The following ARMH4 variants were observed in gnomAD, a reference collection of about 807,000 sequenced individuals.
ARMH4 encodes the protein armadillo like helical domain containing 4.
In ARMH4, 49 loss-of-function variants were observed where a neutral mutation model predicts 61.9. That is an observed-to-expected ratio of 0.79 (90% CI 0.63 to 1.00). The LOEUF is 1.00. Among genes scored for constraint, ARMH4 ranks in the 50% least tolerant of loss-of-function variants. ARMH4 has a pLI of 0.00. For missense variants in ARMH4, 934 were observed against 930.0 expected, an observed-to-expected ratio of 1.00 and a Z score of -0.06; for synonymous variants, 368 against 341.5, an observed-to-expected ratio of 1.08 and a Z score of -0.85.
chr14:58,100,368 T>C (rs983105088), intron 4 of ARMH4, among the ~76,000 whole-genome samples: 1 of 152,122 alleles, frequency 6.6e-6, no homozygotes, highest in African/African-American at 2.4e-5. Flanking sequence ...TTAAGATGGT[T>C]GTGAGTTTTT....
At chr14:58,105,060 T>C (rs551035331) in intron 4 of ARMH4, among the ~76,000 whole-genome samples, 1 of 152,152 alleles carries the variant, frequency 6.6e-6, no homozygotes, top group Non-Finnish European at 1.5e-5. Flanking sequence ...AATCTTTCAA[T>C]TAGTTACACC....
Position 58,138,419 on chromosome 14 carries a change from A to T in ARMH4, c.940T>A (p.Trp314Arg). ...VPAASALSDE[W>R]DDTKLESVSR... ...ACACTCTCTAATTTGGTGTCATCCC[A>T]CTCATCACTTAAGGCAGAGGCAGCT... Residue 314 changes from tryptophan to arginine, a missense_variant, in exon 2 of 8, where the codon TGG becomes AGG. By Grantham distance (101) the Trp-to-Arg change is moderately radical (BLOSUM62 -3). Coordinates refer to ENST00000267485, the MANE Select transcript of ARMH4 (RefSeq NM_001001872.4). 1 of 1,614,136 alleles carries T rather than the reference A, an allele frequency of 6.2e-7. No homozygotes were observed. Among genetic ancestry groups the T allele is most frequent in the South Asian group, 1.1e-5 (1 of 91,082 alleles).
intron 5 of ARMH4, among the ~76,000 whole-genome samples, chr14:58,060,655 A>T (rs940093805): frequency 3.3e-5 from 5 of 152,190 alleles, no homozygotes; most frequent in Non-Finnish European, 7.3e-5. Context: ...TTGTAAAAAT[A>T]AGACAACCAG....
intron 5 of ARMH4, among the ~76,000 whole-genome samples, chr14:58,060,976 C>T (rs1377621751): frequency 6.6e-6 from 1 of 152,186 alleles, no homozygotes; most frequent in Non-Finnish European, 1.5e-5. Flanking sequence ...CTTGGCCTAC[C>T]TCAGTTCCCA....
At chr14:58,005,452 A>G (rs2141123423) in intron 6 of ARMH4, among the ~76,000 whole-genome samples, 1 of 152,358 alleles carries the variant, frequency 6.6e-6, no homozygotes, top group Admixed American at 6.5e-5. Context: ...TAGCTTATGC[A>G]CATTTGTCAA....
intron 2 of ARMH4, among the ~76,000 whole-genome samples, chr14:58,135,395 T>C (rs1188437375): frequency 6.6e-6 from 1 of 152,208 alleles, no homozygotes; most frequent in African/African-American, 2.4e-5. Flanking sequence ...TTTTAAGCAG[T>C]AGGTGTTCTC....
intron 5 of ARMH4, among the ~76,000 whole-genome samples, chr14:58,089,723 G>A (rs1185270561): frequency 1.3e-5 from 2 of 152,190 alleles, no homozygotes; most frequent in Admixed American, 6.5e-5. Context: ...TGGAAAGCAG[G>A]CGCTGTGTGA....
intron 5 of ARMH4, among the ~76,000 whole-genome samples, chr14:58,029,009 A>G (rs1463292220): frequency 6.6e-6 from 1 of 152,094 alleles, no homozygotes; most frequent in Non-Finnish European, 1.5e-5. Flanking sequence ...CATTACCTCT[A>G]TCTAGTTCTA....
Position 58,138,304 on chromosome 14 carries a change from C to A in ARMH4, c.1055G>T (p.Gly352Val), listed in dbSNP as rs1051058308. 1 of 1,614,126 alleles carries A rather than the reference C, an allele frequency of 6.2e-7. No homozygotes were observed. The highest frequency in any genetic ancestry group is 8.5e-7 in the Non-Finnish European group (1 of 1,180,062). ...TGTCCAAGGCTGGCCTCCTTCCATACCCTCATGGCTTACTTGTGCTGTCTG... is the reference window on the plus strand; with the variant it reads ...TGTCCAAGGCTGGCCTCCTTCCATAACCTCATGGCTTACTTGTGCTGTCTG... The part of the protein sequence containing the change: ...MSQTAQVSHE[G>V]MEGGQPWTEA... The change falls in exon 2 of 8, where the codon GGT becomes GTT. Residue 352 changes from glycine to valine, a missense_variant. Transcript: ENST00000267485.
intron 1 of ARMH4, among the ~76,000 whole-genome samples, chr14:58,142,220 A>T (rs879384345): frequency 6.6e-6 from 1 of 152,158 alleles, no homozygotes; most frequent in African/African-American, 2.4e-5. Context: ...TCTTGCTTTC[A>T]TGTCTAATCA....
At chr14:58,029,681 A>AT (rs1188549367) in intron 5 of ARMH4, among the ~76,000 whole-genome samples, 1 of 152,166 alleles carries the variant, frequency 6.6e-6, no homozygotes, top group Non-Finnish European at 1.5e-5. Context: ...TAGGAAGGCC[A>AT]TAAAAAAAGA....
rs542176801 is a variant in ARMH4 at position 58,079,587 on chromosome 14, TAGAG to T, written c.2089+17133_2089+17136del. On this transcript the variant is annotated intron_variant, in intron 5 of 7. Coordinates refer to ENST00000267485, the MANE Select transcript of ARMH4 (RefSeq NM_001001872.4). ...GGACACATTCAAACCATAGTAGGTA[TAGAG>T]AAAGATCCCAGGAAATGAGAGCTAC... 5.1e-3 allele frequency among the ~76,000 whole-genome samples: 771 copies of T among 152,306 alleles called. 12 individuals are homozygous for T. Among genetic ancestry groups the T allele is most frequent in the African/African-American group, 0.018 (733 of 41,546 alleles).
intron 4 of ARMH4, among the ~76,000 whole-genome samples, chr14:58,121,405 T>G (rs1886717264): frequency 6.6e-6 from 1 of 152,140 alleles, no homozygotes; most frequent in Non-Finnish European, 1.5e-5. Context: ...TCTACAAGGT[T>G]TACTTAATTG....
chr14:58,032,661 G>A (rs923016553), intron 5 of ARMH4, among the ~76,000 whole-genome samples: 3 of 151,930 alleles, frequency 2.0e-5, no homozygotes, highest in African/African-American at 7.2e-5. Flanking sequence ...TCACTAGGGA[G>A]TGCCAGACAG....
chr14:58,071,049 G>A (rs1884867814), intron 5 of ARMH4, among the ~76,000 whole-genome samples: 1 of 151,788 alleles, frequency 6.6e-6, no homozygotes, highest in Admixed American at 6.6e-5. Context: ...AGTCCTACTA[G>A]CCTTGAGGCC....
intron 4 of ARMH4, among the ~76,000 whole-genome samples, chr14:58,120,588 G>A (rs1350974163): frequency 6.6e-6 from 1 of 152,188 alleles, no homozygotes; most frequent in Non-Finnish European, 1.5e-5. Context: ...CCATGACACA[G>A]CCCGCAGGAG....
rs78000490 is a variant in ARMH4, at chr14:58,092,650, A to G, written c.2089+4074T>C. ...CCTTTTCCAGCTTCTAGAGGCTGAC[A>G]GCATTCCTTGGCTGATGGCTACATC... is the stretch of plus-strand genomic sequence containing the variant. On this transcript the variant is annotated intron_variant, in intron 5 of 7. Transcript: ENST00000267485. Among the ~76,000 whole-genome samples the G allele has an allele frequency of 6.1e-3, 936 of 152,234 alleles. 3 individuals carry two copies. The highest frequency in any genetic ancestry group is 7.4e-3 in the Non-Finnish European group (501 of 68,004).
chr14:58,147,593 G>T (rs943658332), intron 1 of ARMH4, among the ~76,000 whole-genome samples: 2 of 152,078 alleles, frequency 1.3e-5, no homozygotes, highest in Admixed American at 1.3e-4. Context: ...GATTATAGGT[G>T]TGAGCCACCA....
intron 5 of ARMH4, among the ~76,000 whole-genome samples, chr14:58,093,582 CT>C (rs1382163336): frequency 1.3e-5 from 2 of 152,162 alleles, no homozygotes; most frequent in Non-Finnish European, 2.9e-5. Flanking sequence ...ACATAGACAT[CT>C]TCGGGGAGCC....
Sources: allele counts gnomAD v4.1 joint callset (sites outside exome capture counted in the v4.1 genomes callset), GRCh38; gene constraint gnomAD v4.1.1; transcripts MANE v1.5; gene names NCBI Gene and HGNC (gene_info 2026-07-23, HGNC 2026-07-21).